Variants in COG4 observed in about 807,000 individuals in gnomAD.
The protein encoded by COG4 is component of oligomeric golgi complex 4, also known as conserved oligomeric Golgi complex subunit 4.
Under a neutral mutation model 95.1 loss-of-function variants are expected in COG4, and 65 were observed. The observed-to-expected ratio is 0.68, with a 90% CI of 0.56 to 0.84. COG4 has a LOEUF of 0.84. COG4 is among the 40% of genes least tolerant of loss of function. The pLI is 0.00. For missense variants in COG4, 1,045 were observed against 989.1 expected (o/e 1.06, Z -0.76); for synonymous variants, 421 against 374.8 (o/e 1.12, Z -1.42).
chr16:70,509,957 G>T lies in COG4; in HGVS notation c.803C>A (p.Ala268Asp). ...VLGTDMSDRR[A>D]AVIFADTLTL... ...AAGTGTATCTGCAAAGATGACTGCAGCTCTCCGATCACTCATGTCTGTCCC... is the reference window on the plus strand; with the variant it reads ...AAGTGTATCTGCAAAGATGACTGCATCTCTCCGATCACTCATGTCTGTCCC... Residue 268 changes from alanine (A) to aspartate (D), a missense_variant, in exon 6 of 19, where the codon GCT becomes GAT. Ala to Asp is a moderately radical substitution (Grantham distance 126, BLOSUM62 -2). Coordinates refer to ENST00000323786, the MANE Select transcript of COG4 (RefSeq NM_015386.3). 1 of 1,613,958 alleles carries T rather than the reference G, an allele frequency of 6.2e-7. No individual in the cohort carries two copies.
At chr16:70,493,517 A>G (rs2049285472) in intron 12 of COG4, among the ~76,000 whole-genome samples, 3 of 152,196 alleles carry the variant, frequency 2.0e-5, no homozygotes, top group African/African-American at 7.2e-5. Context: ...AAGTTTCTCA[A>G]TAAATATTTG....
At chr16:70,522,292 G>T (rs1285865106) in intron 1 of COG4, among the ~76,000 whole-genome samples, 1 of 152,066 alleles carries the variant, frequency 6.6e-6, no homozygotes, top group Non-Finnish European at 1.5e-5. Flanking sequence ...ACCGCGCCCC[G>T]CAAGATACTA....
At chr16:70,497,812 C>T (rs184805781) in intron 10 of COG4, 125 bp downstream of exon 10, 2 of 778,636 alleles carry the variant, frequency 2.6e-6, no homozygotes, top group Admixed American at 1.7e-5. Flanking sequence ...AGTGGTACCA[C>T]TCAATCTGCA....
chr16:70,503,309 C>T (rs1328119641), intron 8 of COG4, among the ~76,000 whole-genome samples: 2 of 152,206 alleles, frequency 1.3e-5, no homozygotes, highest in Non-Finnish European at 2.9e-5. Flanking sequence ...ACCTCTGCGT[C>T]CCAAAGTGCT....
intron 2 of COG4, 64 bp downstream of exon 2, chr16:70,519,585 G>T: frequency 8.4e-7 from 1 of 1,186,354 alleles, no homozygotes; most frequent in Non-Finnish European, 1.3e-6. Flanking sequence ...TTTAAAAAAT[G>T]GTCACTTGTC....
chr16:70,506,390 G>A (rs948071801), intron 8 of COG4, among the ~76,000 whole-genome samples: 15 of 151,342 alleles, frequency 9.9e-5, no homozygotes, highest in African/African-American at 3.4e-4. Context: ...GTGACAGAGC[G>A]AGACTCCGTC....
At chr16:70,481,282 T>C in intron 18 of COG4, 77 bp downstream of exon 18, 1 of 1,608,938 alleles carries the variant, frequency 6.2e-7, no homozygotes, top group Non-Finnish European at 8.5e-7. Flanking sequence ...AGACATGGTT[T>C]AGAGGGAAGT....
At position 70,523,384 on chromosome 16, in the gene COG4, A is replaced by G; in HGVS notation, c.160T>C (p.Cys54Arg). Residue 54 changes from cysteine (C) to arginine (R), a missense_variant, in exon 1 of 19, where the codon TGC becomes CGC. Coordinates refer to ENST00000323786, the MANE Select transcript of COG4 (RefSeq NM_015386.3). Reference protein sequence around the residue: ...QELEAVYERLCGEEKVVEREL... With the variant: ...QELEAVYERLRGEEKVVEREL... ...GCTCGACCCCGCACCTCCTCGCCGC[A>G]GAGCCGTTCGTATACAGCCTCCAGC... 1.2e-6 allele frequency: 2 copies of G among 1,614,108 alleles called. No individual in the cohort carries two copies. Among genetic ancestry groups the G allele is most frequent in the Non-Finnish European group, 1.7e-6 (2 of 1,180,016 alleles).
At chr16:70,485,434 C>A (rs1249553012) in intron 13 of COG4, among the ~76,000 whole-genome samples, 2 of 151,578 alleles carry the variant, frequency 1.3e-5, no homozygotes, top group East Asian at 3.9e-4. Context: ...GAACTCCTGA[C>A]CTCAGGTGAT....
intron 12 of COG4, among the ~76,000 whole-genome samples, chr16:70,492,020 A>G (rs1010600182): frequency 2.6e-5 from 4 of 152,146 alleles, no homozygotes; most frequent in Non-Finnish European, 5.9e-5. Context: ...AAACAAATGC[A>G]TTATATAATG....
intron 3 of COG4, among the ~76,000 whole-genome samples, chr16:70,516,439 G>A (rs2049824908): frequency 6.6e-6 from 1 of 152,004 alleles, no homozygotes; most frequent in Non-Finnish European, 1.5e-5. Flanking sequence ...TGGGACTACA[G>A]GAGCCTGTCA....
Position 70,480,932 on chromosome 16 carries a change from C to G in COG4, c.*78G>C. On this transcript the variant is annotated 3_prime_UTR_variant, in exon 19 of 19. Transcript: ENST00000323786. ...TCAGATCTCCCCCAAGCCAGACAGCCTCGCTCAGCTCCTTGGCTGGGGCCC... is the reference window on the plus strand; with the variant it reads ...TCAGATCTCCCCCAAGCCAGACAGCGTCGCTCAGCTCCTTGGCTGGGGCCC... 6.4e-7 allele frequency: 1 copy of G among 1,568,010 alleles called. No individual in the cohort carries two copies. Among genetic ancestry groups the G allele is most frequent in the Non-Finnish European group, 8.7e-7 (1 of 1,148,066 alleles).
At chr16:70,505,370 T>C (rs1320105082) in intron 8 of COG4, among the ~76,000 whole-genome samples, 1 of 150,732 alleles carries the variant, frequency 6.6e-6, no homozygotes, top group African/African-American at 2.4e-5. Context: ...GCTAATTTTT[T>C]GTATTTTTTT....
At position 70,480,802 on chromosome 16, in the gene COG4, GGGAGATGC is replaced by G; in HGVS notation, c.*200_*207del. 4.3e-5 allele frequency: 26 copies of G among 606,596 alleles called. No homozygotes were observed. The highest frequency in any genetic ancestry group is 8.9e-5 in the Admixed American group (3 of 33,584). 37.6% of individuals were successfully genotyped at this position (606,596 alleles called of 1,614,324 possible). A position where few individuals can be genotyped will look rare whatever the true frequency, so the allele number is the denominator to read the frequency against. On this transcript the variant is annotated 3_prime_UTR_variant, in exon 19 of 19. Coordinates refer to ENST00000323786, the MANE Select transcript of COG4 (RefSeq NM_015386.3). ...CATTAGGAGCCCGCTTCTCTCGGTG[GGGAGATGC>G]TGCCCCCAGAGCATCACCTGGCCAG...
chr16:70,480,914 T>A lies in COG4; in HGVS notation c.*96A>T. On this transcript the variant is annotated 3_prime_UTR_variant, in exon 19 of 19. Transcript: ENST00000323786. ...GTAGAAAGGTCTGGGCTGTCAGATC[T>A]CCCCCAAGCCAGACAGCCTCGCTCA... 6.9e-7 allele frequency: 1 copy of A among 1,458,012 alleles called. No homozygotes were observed. The highest frequency in any genetic ancestry group is 9.5e-7 in the Non-Finnish European group (1 of 1,052,794). 90.3% of individuals were successfully genotyped at this position (1,458,012 alleles called of 1,614,324 possible).
At position 70,481,788 on chromosome 16, in the gene COG4, C is replaced by T. The variant is rs551240981; in HGVS notation, c.2082G>A (p.Val694=). The change falls in exon 17 of 19, where the codon GTG becomes GTA. Residue 694 remains valine, a synonymous_variant. Transcript: ENST00000323786. ...CCCGGTTAAAGGTGGATTTCAGCACCACTTTCTCCAACTCGACGGCAACAA... is the reference window on the plus strand; with the variant it reads ...CCCGGTTAAAGGTGGATTTCAGCACTACTTTCTCCAACTCGACGGCAACAA... The part of the protein sequence containing the change: ...TSLVAVELEK[V]VLKSTFNRLG... 1.0e-4 allele frequency: 162 copies of T among 1,614,020 alleles called. No homozygotes were observed. In the South Asian group the frequency reaches 1.7e-3, roughly 17 times the overall value.
At chr16:70,500,483 C>T (rs1435618722) in intron 9 of COG4, among the ~76,000 whole-genome samples, 2 of 150,408 alleles carry the variant, frequency 1.3e-5, no homozygotes, top group Non-Finnish European at 2.9e-5. Flanking sequence ...GTCTCAACCT[C>T]CCGAGTAGCT....
chr16:70,510,385 C>T (rs999785737), intron 5 of COG4, among the ~76,000 whole-genome samples: 1 of 152,206 alleles, frequency 6.6e-6, no homozygotes, highest in Non-Finnish European at 1.5e-5. Context: ...AAGGGAGCCA[C>T]AGTCATAGTT....
At chr16:70,510,775 T>A (rs1231139287) in intron 5 of COG4, among the ~76,000 whole-genome samples, 1 of 152,094 alleles carries the variant, frequency 6.6e-6, no homozygotes, top group African/African-American at 2.4e-5. Context: ...TCCTTTTTTT[T>A]TTTTTTTGAA....
Sources: gnomAD v4.1 joint callset for allele counts (sites outside exome capture counted in the v4.1 genomes callset) on GRCh38, gnomAD v4.1.1 for gene constraint, MANE v1.5 for transcripts, NCBI Gene and HGNC (gene_info 2026-07-23, HGNC 2026-07-21) for gene names.